The following STK35 variants were observed in gnomAD, a reference collection of about 807,000 sequenced individuals.
STK35 encodes the protein serine/threonine-protein kinase 35.
Under a neutral mutation model 37.3 loss-of-function variants are expected in STK35, and 17 were observed. The observed-to-expected ratio is 0.46, with a 90% CI of 0.31 to 0.68. The LOEUF is 0.68. STK35 is among the 30% of genes least tolerant of loss of function. The pLI, the probability that STK35 is intolerant of heterozygous loss-of-function variation, is 0.05. For synonymous variants in STK35, 385 were observed against 319.1 expected, an observed-to-expected ratio of 1.21 and a Z score of -2.20; for missense variants, 595 against 746.7, an observed-to-expected ratio of 0.80 and a Z score of 2.37.
chr20:2,136,090 A>G (rs1986082141), intron 3 of STK35, among the ~76,000 whole-genome samples: 2 of 152,136 alleles, frequency 1.3e-5, no homozygotes, highest in Admixed American at 1.3e-4. Flanking sequence ...TACCATACCT[A>G]ACTTAGACTC....
chr20:2,102,009 C>T lies in STK35; in HGVS notation c.128C>T (p.Ser43Phe). 6.5e-7 allele frequency: 1 copy of T among 1,527,626 alleles called. No homozygotes were observed. Among genetic ancestry groups the T allele is most frequent in the Non-Finnish European group, 8.8e-7 (1 of 1,142,834 alleles). The allele number at this position is 1,527,626 out of a possible 1,614,324, so 94.6% of individuals were successfully genotyped here. A position where few individuals can be genotyped will look rare whatever the true frequency, so the allele number is the denominator to read the frequency against. The part of the protein sequence containing the change: ...ESHGSLGAQA[S>F]PASAAAAEGS... ...CACGGGAGCCTAGGAGCCCAGGCTT[C>T]CCCAGCGAGCGCCGCGGCAGCAGAA... Residue 43 changes from serine (S) to phenylalanine (F), a missense_variant, in exon 1 of 4, where the codon TCC (serine) becomes TTC (phenylalanine). Ser to Phe is a radical substitution (Grantham distance 155, BLOSUM62 -2). This residue lies in a region of STK35 where 389 missense variants were observed against 320.0 expected (regional missense o/e 1.22). Coordinates refer to ENST00000381482, the MANE Select transcript of STK35 (RefSeq NM_080836.4).
rs752036296 is a variant in STK35 at position 2,103,334 on chromosome 20, T to C, written c.861T>C (p.Leu287=). 1.9e-6 allele frequency: 3 copies of C among 1,612,472 alleles called. No individual in the cohort carries two copies. The highest frequency in any genetic ancestry group is 2.5e-6 in the Non-Finnish European group (3 of 1,179,446). Residue 287 remains leucine (L), a synonymous_variant, in exon 2 of 4, where the codon CTT becomes CTC. Transcript: ENST00000381482. The stretch of plus-strand genomic sequence containing the variant: ...GTCACGGCAACAAGAGCTCGCAGCT[T>C]TACCTGCGCCTGGTGGAGACCTCGC... ...RMSHGNKSSQ[L]YLRLVETSLK...
intron 3 of STK35, among the ~76,000 whole-genome samples, chr20:2,141,356 C>G (rs1008529686): frequency 6.6e-6 from 1 of 152,094 alleles, no homozygotes; most frequent in African/African-American, 2.4e-5. Flanking sequence ...AGACTGGGCC[C>G]GAGAAATCCT....
At position 2,146,955 on chromosome 20, in the gene STK35, G is replaced by A. The variant is rs548931047; in HGVS notation, c.*3209G>A. ...GGCCTTAGCCTCGTCTCGTCCCAGAGGCATTGGATCAGGAGAATGGGAATT... is the reference window on the plus strand; with the variant it reads ...GGCCTTAGCCTCGTCTCGTCCCAGAAGCATTGGATCAGGAGAATGGGAATT... On this transcript the variant is annotated 3_prime_UTR_variant, in exon 4 of 4. Coordinates refer to ENST00000381482, the MANE Select transcript of STK35 (RefSeq NM_080836.4). The A allele has an allele frequency of 3.1e-4, 48 of 152,728 alleles. No individual in the cohort carries two copies. The highest frequency in any genetic ancestry group is 1.1e-3 in the African/African-American group (47 of 41,584). 9.5% of individuals were successfully genotyped at this position (152,728 alleles called of 1,614,324 possible). A position where few individuals can be genotyped will look rare whatever the true frequency, so the allele number is the denominator to read the frequency against.
At chr20:2,109,211 G>A (rs1486864657) in intron 2 of STK35, among the ~76,000 whole-genome samples, 2 of 152,128 alleles carry the variant, frequency 1.3e-5, no homozygotes, top group African/African-American at 4.8e-5. Flanking sequence ...CCAGGAATGT[G>A]GACTAAATCT....
intron 2 of STK35, among the ~76,000 whole-genome samples, chr20:2,112,599 G>GT (rs1430135432): frequency 6.6e-6 from 1 of 152,132 alleles, no homozygotes; most frequent in Non-Finnish European, 1.5e-5. Flanking sequence ...GTTACTCATG[G>GT]TAAGGGCCCT....
At chr20:2,127,668 G>T (rs1985929480) in intron 3 of STK35, among the ~76,000 whole-genome samples, 1 of 152,140 alleles carries the variant, frequency 6.6e-6, no homozygotes, top group African/African-American at 2.4e-5. Flanking sequence ...TCTGACCTGA[G>T]CATCTTAGGG....
intron 3 of STK35, among the ~76,000 whole-genome samples, chr20:2,125,650 T>G (rs1217469308): frequency 6.6e-6 from 1 of 152,254 alleles, no homozygotes; most frequent in Non-Finnish European, 1.5e-5. Context: ...ACAGGCACAC[T>G]GTGGCAGGGC....
chr20:2,108,572 G>A (rs1158808565), intron 2 of STK35, among the ~76,000 whole-genome samples: 10 of 152,146 alleles, frequency 6.6e-5, no homozygotes, highest in Non-Finnish European at 1.3e-4. Context: ...CAGTGCTTGT[G>A]GCACTGCTGA....
rs1985739342 is a variant in STK35 at position 2,117,571 on chromosome 20, G to A, written c.*37+156G>A. On this transcript the variant is annotated intron_variant, in intron 3 of 3. Transcript: ENST00000381482. The surrounding 1 kb of genome is among the most constrained non-coding windows in gnomAD (Gnocchi z 4.4). Reference sequence around the variant, plus strand: ...GTGATTCTCGTGCCTCAGCCACCTGGGTAGCTGGGATTACAGGCACCTGCC... The same window carrying A: ...GTGATTCTCGTGCCTCAGCCACCTGAGTAGCTGGGATTACAGGCACCTGCC... Among the ~76,000 whole-genome samples, 2 of 152,102 alleles carry A rather than the reference G, an allele frequency of 1.3e-5. No homozygotes were observed. The highest frequency in any genetic ancestry group is 4.8e-5 in the African/African-American group (2 of 41,424).
intron 3 of STK35, among the ~76,000 whole-genome samples, chr20:2,130,323 C>T (rs1303965926): frequency 2.0e-5 from 3 of 152,174 alleles, no homozygotes; most frequent in Non-Finnish European, 2.9e-5. Flanking sequence ...GTCCCTTGGA[C>T]TCGGGGCTGC....
At chr20:2,109,592 G>C (rs1180547264) in intron 2 of STK35, among the ~76,000 whole-genome samples, 1 of 152,240 alleles carries the variant, frequency 6.6e-6, no homozygotes, top group Non-Finnish European at 1.5e-5. Context: ...TTTACATCCA[G>C]ATGCTCTTTC....
intron 2 of STK35, among the ~76,000 whole-genome samples, chr20:2,104,784 A>G (rs567621779): frequency 6.6e-6 from 1 of 152,162 alleles, no homozygotes; most frequent in Non-Finnish European, 1.5e-5. Flanking sequence ...TTAGATGTCT[A>G]ACTTTATAAA....
chr20:2,116,547 TC>T, intron 2 of STK35, 118 bp from the exon 3 acceptor site: 1 of 1,104,316 alleles, frequency 9.1e-7, no homozygotes, highest in South Asian at 1.5e-5. Flanking sequence ...GTTGTGCAGG[TC>T]CCCTTGGAGC....
intron 3 of STK35, among the ~76,000 whole-genome samples, chr20:2,141,564 G>A (rs1986172508): frequency 6.6e-6 from 1 of 152,180 alleles, no homozygotes; most frequent in African/African-American, 2.4e-5. Flanking sequence ...GTTCATTAAA[G>A]TACCCTATTT....
At chr20:2,143,753 G>A (rs965683738) in intron 3 of STK35, 31 bp from the exon 4 acceptor site, 2 of 361,880 alleles carry the variant, frequency 5.5e-6, no homozygotes, top group South Asian at 2.1e-5. Flanking sequence ...GCTGACCAAT[G>A]TCCCCTCCTT....
chr20:2,112,119 C>T (rs922749181), intron 2 of STK35, among the ~76,000 whole-genome samples: 1 of 152,222 alleles, frequency 6.6e-6, no homozygotes, highest in Admixed American at 6.5e-5. Context: ...TTGACTAAAA[C>T]CTGGAAATCT....
chr20:2,115,788 C>T (rs1293347185), intron 2 of STK35, among the ~76,000 whole-genome samples: 1 of 152,130 alleles, frequency 6.6e-6, no homozygotes, highest in Non-Finnish European at 1.5e-5. Flanking sequence ...TCCATTCCAT[C>T]TTTCAGCCTA....
intron 3 of STK35, among the ~76,000 whole-genome samples, chr20:2,127,848 C>T (rs1985932678): frequency 6.6e-6 from 1 of 152,160 alleles, no homozygotes; most frequent in South Asian, 2.1e-4. Flanking sequence ...AGATGTGAGT[C>T]TTGAGCCTAA....
Sources: allele counts gnomAD v4.1 joint callset (sites outside exome capture counted in the v4.1 genomes callset), GRCh38; gene constraint gnomAD v4.1.1; regional missense constraint gnomAD v4.1.1; non-coding constraint Gnocchi (gnomAD v3.1); transcripts MANE v1.5; gene names NCBI Gene and HGNC (gene_info 2026-07-23, HGNC 2026-07-21).